Variants in BAK1 observed in about 807,000 individuals in gnomAD.
The protein encoded by BAK1 is bcl-2 homologous antagonist/killer.
Under a neutral mutation model 24.7 loss-of-function variants are expected in BAK1, and 19 were observed. The ratio of observed to expected loss-of-function variants is 0.77; its 90% CI spans 0.54 to 1.13. BAK1 has a LOEUF of 1.13. BAK1 is among the 50% of genes most tolerant of loss of function. The pLI is 0.00. For missense variants in BAK1, 194 were observed against 279.4 expected, an observed-to-expected ratio of 0.69 and a Z score of 2.18; for synonymous variants, 86 against 107.3, an observed-to-expected ratio of 0.80 and a Z score of 1.23.
In BAK1 at chr6:33,575,715, C is replaced by A. The variant is rs1762833675; in HGVS notation, c.206+78G>T. 7 of 1,569,630 alleles carry A rather than the reference C, an allele frequency of 4.5e-6. No individual in the cohort carries two copies. Among genetic ancestry groups the A allele is most frequent in the Admixed American group, 1.8e-5 (1 of 55,942 alleles). Reference sequence around the variant, plus strand: ...CAAGACCCCCGAGGCCTCCCCAGCTCCCAGGACCTGCACAGAGACCCATGC... The same window carrying A: ...CAAGACCCCCGAGGCCTCCCCAGCTACCAGGACCTGCACAGAGACCCATGC... On this transcript the variant is annotated intron_variant, in intron 3 of 5. Transcript: ENST00000374467. The surrounding 1 kb of genome is among the most constrained non-coding windows in gnomAD (Gnocchi z 6.3).
chr6:33,576,412 C>T (rs192349920), intron 2 of BAK1, among the ~76,000 whole-genome samples: 2 of 151,084 alleles, frequency 1.3e-5, no homozygotes, highest in Admixed American at 1.3e-4. Flanking sequence ...GGGCGGATCA[C>T]GAGGTCAGGA....
At chr6:33,576,683 A>AAAAG (rs796741534) in intron 2 of BAK1, among the ~76,000 whole-genome samples, 3 of 151,898 alleles carry the variant, frequency 2.0e-5, no homozygotes, top group African/African-American at 7.3e-5. Flanking sequence ...AAAAAAAAAA[A>AAAAG]AAAGAAAAGA....
At position 33,573,831 on chromosome 6, in the gene BAK1, A is replaced by C; in HGVS notation, c.608T>G (p.Phe203Cys). Residue 203 changes from phenylalanine (F) to cysteine (C), a missense_variant, in exon 6 of 6, where the codon TTT becomes TGT. By Grantham distance (205) the Phe-to-Cys change is radical. Transcript: ENST00000374467. The stretch of plus-strand genomic sequence containing the variant: ...TGATTTGAAGAATCTTCGTACCACA[A>C]ACTGGCCCAACAGAACCACACCCAG... ...VVLGVVLLGQ[F>C]VVRRFFKS 1 of 1,614,188 alleles carries C rather than the reference A, an allele frequency of 6.2e-7. No individual in the cohort carries two copies. The highest frequency in any genetic ancestry group is 1.1e-5 in the South Asian group (1 of 91,092).
Position 33,575,149 on chromosome 6 carries a change from G to A in BAK1, c.350+149C>T. 2 of 1,214,998 alleles carry A rather than the reference G, an allele frequency of 1.6e-6. No individual in the cohort carries two copies. Among genetic ancestry groups the A allele is most frequent in the South Asian group, 1.3e-5 (1 of 78,428 alleles). 75.3% of individuals were successfully genotyped at this position (1,214,998 alleles called of 1,614,324 possible). A position where few individuals can be genotyped will look rare whatever the true frequency, so the allele number is the denominator to read the frequency against. ...GGGACCCCGAAAGAGAAAAATAGGG[G>A]GCCGAGACCACATGTGAGTTCACAG... On this transcript the variant is annotated intron_variant, in intron 4 of 5. Transcript: ENST00000374467. This position sits in a 1 kb window ranked among gnomAD's most constrained non-coding sequence, Gnocchi z 6.3.
chr6:33,573,432 A>T lies in BAK1; in HGVS notation c.*371T>A, dbSNP rs1371474218. On this transcript the variant is annotated 3_prime_UTR_variant, in exon 6 of 6. Transcript: ENST00000374467. ...GGTAGAATGGTGGGAATGGGCTCTC[A>T]CAAGGGTATTATAAAAAGCTAAAAC... 1 of 236,882 alleles carries T rather than the reference A, an allele frequency of 4.2e-6. No individual in the cohort carries two copies. Among genetic ancestry groups the T allele is most frequent in the Non-Finnish European group, 8.3e-6 (1 of 119,910 alleles). The allele number at this position is 236,882 out of a possible 1,614,324, so 14.7% of individuals were successfully genotyped here. A position where few individuals can be genotyped will look rare whatever the true frequency, so the allele number is the denominator to read the frequency against.
At position 33,580,032 on chromosome 6, in the gene BAK1, G is replaced by C. The variant is rs1251766583; in HGVS notation, c.-39C>G. On this transcript the variant is annotated 5_prime_UTR_variant, in exon 1 of 6. It adds an upstream start codon to the 5' untranslated region. Transcript: ENST00000374467. ...AAGACCCTTCCAGCTTACCTGCCGG[G>C]ATCCTGGCCCAACCCGGGTGGCTCA... The C allele has an allele frequency of 1.3e-5, 2 of 152,446 alleles. No homozygotes were observed. The highest frequency in any genetic ancestry group is 4.8e-5 in the African/African-American group (2 of 41,460). The allele number at this position is 152,446 out of a possible 1,614,324, so 9.4% of individuals were successfully genotyped here.
rs562046074 is a variant in BAK1 at position 33,578,290 on chromosome 6, GGGT to G, written c.-31-658_-31-656del. ...ACTCTCCCACTTAGGAGCACTCTGTGGGTGGTGAACACTGGAAACTCACATGAA... is the reference window on the plus strand; with the variant it reads ...ACTCTCCCACTTAGGAGCACTCTGTGGGTGAACACTGGAAACTCACATGAA... On this transcript the variant is annotated intron_variant, in intron 1 of 5. Transcript: ENST00000374467. This position sits in a 1 kb window ranked among gnomAD's most constrained non-coding sequence, Gnocchi z 4.8. 1.4e-3 allele frequency among the ~76,000 whole-genome samples: 207 copies of G among 152,312 alleles called. 3 individuals are homozygous for G. The highest frequency in any genetic ancestry group is 0.01 in the Middle Eastern group (3 of 294).
chr6:33,574,162 C>T lies in BAK1; in HGVS notation c.403G>A (p.Gly135Ser), dbSNP rs548190187. The part of the protein sequence containing the change: ...WGRVVALLGF[G>S]YRLALHVYQH... ...TAGACGTGTAGGGCCAGACGGTAGCCGAAGCCCAGAAGAGCCACCACACGG... is the reference window on the plus strand; with the variant it reads ...TAGACGTGTAGGGCCAGACGGTAGCTGAAGCCCAGAAGAGCCACCACACGG... The change falls in exon 5 of 6, where the codon GGC becomes AGC. Residue 135 changes from glycine to serine, a missense_variant. Coordinates refer to ENST00000374467, the MANE Select transcript of BAK1 (RefSeq NM_001188.4). The T allele has an allele frequency of 1.4e-4, 229 of 1,614,024 alleles. No individual in the cohort carries two copies. Among genetic ancestry groups the T allele is most frequent in the Non-Finnish European group, 1.8e-4 (211 of 1,179,996 alleles).
rs1762873629 is a variant in BAK1, at chr6:33,577,878, A to T, written c.-31-243T>A. Among the ~76,000 whole-genome samples the T allele has an allele frequency of 6.6e-6, 1 of 152,164 alleles. No homozygotes were observed. Among genetic ancestry groups the T allele is most frequent in the Non-Finnish European group, 1.5e-5 (1 of 68,014 alleles). ...TGCCTGGCCTCCTCTGGGACTTTTT[A>T]TTCTTACTCCAGCATGGGTCCCAGT... On this transcript the variant is annotated intron_variant, in intron 1 of 5. Coordinates refer to ENST00000374467, the MANE Select transcript of BAK1 (RefSeq NM_001188.4). The surrounding 1 kb of genome is among the most constrained non-coding windows in gnomAD (Gnocchi z 4.6).
rs1359205334 is a variant in BAK1 at position 33,577,157 on chromosome 6, C to T, written c.70+378G>A. ...CCCCAAGTCACAATAATTGCGTTCC[C>T]TGTTGAGCAGACCTGACTGGGTGAT... On this transcript the variant is annotated intron_variant, in intron 2 of 5. Coordinates refer to ENST00000374467, the MANE Select transcript of BAK1 (RefSeq NM_001188.4). The surrounding 1 kb of genome is among the most constrained non-coding windows in gnomAD (Gnocchi z 4.6). Among the ~76,000 whole-genome samples the T allele has an allele frequency of 6.6e-6, 1 of 152,178 alleles. No homozygotes were observed. Among genetic ancestry groups the T allele is most frequent in the Non-Finnish European group, 1.5e-5 (1 of 68,020 alleles).
chr6:33,575,315 G>T lies in BAK1; in HGVS notation c.333C>A (p.Phe111Leu), dbSNP rs1375767408. 1.2e-6 allele frequency: 2 copies of T among 1,614,114 alleles called. No homozygotes were observed. The highest frequency in any genetic ancestry group is 2.7e-5 in the African/African-American group (2 of 74,936). ...TGGGGTACCTGGTGGCAATCTTGGT[G>T]AAGTACTCATAGGCATTCTCTGCCG... ...QPTAENAYEYFTKIATSLFES... is the reference protein window; with the variant it reads ...QPTAENAYEYLTKIATSLFES... The change falls in exon 4 of 6, where the codon TTC becomes TTA. Residue 111 changes from phenylalanine (F) to leucine (L), a missense_variant. Phe to Leu is a conservative substitution (Grantham distance 22). Transcript: ENST00000374467. The surrounding 1 kb of genome is among the most constrained non-coding windows in gnomAD (Gnocchi z 6.3).
Position 33,573,684 on chromosome 6 carries a change from A to G in BAK1, c.*119T>C. 2.4e-6 allele frequency: 2 copies of G among 820,972 alleles called. No homozygotes were observed. The highest frequency in any genetic ancestry group is 3.9e-6 in the Non-Finnish European group (2 of 511,166). 50.9% of individuals were successfully genotyped at this position (820,972 alleles called of 1,614,324 possible). ...GGGGCCCTCCGAAGCTGGAGTGCAC[A>G]CTTGCTAAAGCTTCTGTACTCTTGA... On this transcript the variant is annotated 3_prime_UTR_variant, in exon 6 of 6. Coordinates refer to ENST00000374467, the MANE Select transcript of BAK1 (RefSeq NM_001188.4).
At position 33,577,452 on chromosome 6, in the gene BAK1, G is replaced by A; in HGVS notation, c.70+83C>T. 1 of 1,310,650 alleles carries A rather than the reference G, an allele frequency of 7.6e-7. No individual in the cohort carries two copies. The allele number at this position is 1,310,650 out of a possible 1,614,324, so 81.2% of individuals were successfully genotyped here. A position where few individuals can be genotyped will look rare whatever the true frequency, so the allele number is the denominator to read the frequency against. On this transcript the variant is annotated intron_variant, in intron 2 of 5. Transcript: ENST00000374467. The surrounding 1 kb of genome is among the most constrained non-coding windows in gnomAD (Gnocchi z 4.6). ...CCACAGTGGGTGAACCGAGGCGAAGGAGCCTGCCTGAGTCCTGCTCCTTCC... is the reference window on the plus strand; with the variant it reads ...CCACAGTGGGTGAACCGAGGCGAAGAAGCCTGCCTGAGTCCTGCTCCTTCC...
chr6:33,573,653 C>T lies in BAK1; in HGVS notation c.*150G>A, dbSNP rs570018194. ...GTGCCTCTGCAGCCTGACTGGCCCC[C>T]ACGCAGGGGCCCTCCGAAGCTGGAG... On this transcript the variant is annotated 3_prime_UTR_variant, in exon 6 of 6. Transcript: ENST00000374467. 4.3e-6 allele frequency: 3 copies of T among 694,908 alleles called. No homozygotes were observed. The highest frequency in any genetic ancestry group is 5.4e-5 in the East Asian group (2 of 36,874). The allele number at this position is 694,908 out of a possible 1,614,324, so 43.0% of individuals were successfully genotyped here.
chr6:33,573,217 C>G lies in BAK1; in HGVS notation c.*586G>C, dbSNP rs1017871840. 1 of 152,610 alleles carries G rather than the reference C, an allele frequency of 6.6e-6. No individual in the cohort carries two copies. The highest frequency in any genetic ancestry group is 2.1e-4 in the South Asian group (1 of 4,810). The allele number at this position is 152,610 out of a possible 1,614,324, so 9.5% of individuals were successfully genotyped here. On this transcript the variant is annotated 3_prime_UTR_variant, in exon 6 of 6. Transcript: ENST00000374467. ...GTATGGCCGGAGGGAGGAATGGGAG[C>G]AGGGGTAGAGTTGAGCAGGACCTTG...
At position 33,575,481 on chromosome 6, in the gene BAK1, G is replaced by A. The variant is rs1245609221; in HGVS notation, c.207-40C>T. On this transcript the variant is annotated intron_variant, in intron 3 of 5. Transcript: ENST00000374467. The surrounding 1 kb of genome is among the most constrained non-coding windows in gnomAD (Gnocchi z 6.3). ...GGCATGCAGGTGAGCCAGTAACCAG[G>A]CAGTCGGGACCAGGCCCTGGCTCAT... The A allele has an allele frequency of 6.2e-7, 1 of 1,612,054 alleles. No homozygotes were observed. The highest frequency in any genetic ancestry group is 1.1e-5 in the South Asian group (1 of 90,996).
chr6:33,574,458 GAGAGGGC>G lies in BAK1; in HGVS notation c.351-251_351-245del, dbSNP rs757510970. ...GTACGCTCAGGTGCAACGGGGCACA[GAGAGGGC>G]AGAGGGCAGAGCAAGTGGATGGAGT... On this transcript the variant is annotated intron_variant, in intron 4 of 5. Coordinates refer to ENST00000374467, the MANE Select transcript of BAK1 (RefSeq NM_001188.4). 8.0e-6 allele frequency: 12 copies of G among 1,498,978 alleles called. No homozygotes were observed. The South Asian group carries it at 1.3e-4, about 17-fold the overall frequency. The allele number at this position is 1,498,978 out of a possible 1,614,324, so 92.9% of individuals were successfully genotyped here.
At chr6:33,573,947 A>G (rs757957290) in intron 5 of BAK1, 40 bp from the exon 6 acceptor site, 10 of 1,613,852 alleles carry the variant, frequency 6.2e-6, no homozygotes, top group Non-Finnish European at 8.5e-6. Flanking sequence ...AGGCTAGCAG[A>G]AGATATAGGA....
chr6:33,579,387 G>A (rs886417390), intron 1 of BAK1, among the ~76,000 whole-genome samples: 2 of 151,794 alleles, frequency 1.3e-5, no homozygotes, highest in East Asian at 1.9e-4. Context: ...CCCACCCCCC[G>A]TAGCTCCTTA....
Sources: gnomAD v4.1 joint callset for allele counts (sites outside exome capture counted in the v4.1 genomes callset) on GRCh38, gnomAD v4.1.1 for gene constraint, Gnocchi (gnomAD v3.1) non-coding constraint, MANE v1.5 for transcripts, NCBI Gene and HGNC (gene_info 2026-07-23, HGNC 2026-07-21) for gene names.